Variants in APOL1 observed in about 807,000 individuals in gnomAD.
APOL1 encodes apolipoprotein L 1.
Under a neutral mutation model 14.9 loss-of-function variants are expected in APOL1, and 17 were observed. That is an observed-to-expected ratio of 1.14 (90% CI 0.78 to 1.71). APOL1 has a LOEUF of 1.71. Ranked by LOEUF, APOL1 falls within the 40% of genes most tolerant of loss-of-function variation. The pLI is 0.00. For missense variants in APOL1, 523 were observed against 485.9 expected (o/e 1.08, Z -0.72); for synonymous variants, 195 against 184.8 (o/e 1.05, Z -0.45).
rs370010415 is a variant in APOL1 at position 36,265,934 on chromosome 22, G to C, written c.1098G>C (p.Glu366Asp). The C allele has an allele frequency of 4.5e-5, 73 of 1,614,076 alleles. No homozygotes were observed. The highest frequency in any genetic ancestry group is 8.8e-5 in the South Asian group (8 of 91,082). Residue 366 changes from glutamate to aspartate, a missense_variant, in exon 6 of 6, where the codon GAG becomes GAC. Physicochemically the swap from Glu to Asp is conservative, Grantham distance 45 (BLOSUM62 2). Transcript: ENST00000397278. The stretch of plus-strand genomic sequence containing the variant: ...ACTTACATGAGGGGGCAAAGTCAGA[G>C]ACAGCTGAGGAGCTGAAGAAGGTGG... ...SKHLHEGAKS[E>D]TAEELKKVAQ...
In APOL1 at chr22:36,263,280, G is replaced by T. The variant is rs569413923; in HGVS notation, c.314+1558G>T. 3.3e-5 allele frequency among the ~76,000 whole-genome samples: 5 copies of T among 152,304 alleles called. No individual in the cohort carries two copies. The South Asian group carries it at 1.0e-3, about 32-fold the overall frequency. On this transcript the variant is annotated intron_variant, in intron 5 of 5. Coordinates refer to ENST00000397278, the MANE Select transcript of APOL1 (RefSeq NM_003661.4). ...CAGTAGCCTTCAGCCAGGTGAAAGG[G>T]CATGAGGCATTGGAAGGGAGCAGAT...
intron 4 of APOL1, among the ~76,000 whole-genome samples, chr22:36,261,290 G>A (rs1320666623): frequency 6.6e-6 from 1 of 152,164 alleles, no homozygotes; most frequent in African/African-American, 2.4e-5. Context: ...CAGTCTTCTT[G>A]TGTCCCTTTC....
Position 36,265,300 on chromosome 22 carries a change from T to A in APOL1, c.464T>A (p.Ile155Lys), listed in dbSNP as rs1569534114. 1 of 1,613,752 alleles carries A rather than the reference T, an allele frequency of 6.2e-7. No homozygotes were observed. The highest frequency in any genetic ancestry group is 1.1e-5 in the South Asian group (1 of 91,054). The change falls in exon 6 of 6, where the codon ATA (isoleucine) becomes AAA (lysine). Residue 155 changes from isoleucine (I) to lysine (K), a missense_variant. By Grantham distance (102) the Ile-to-Lys change is moderately radical. Transcript: ENST00000397278. ...PRLKSELEDNIRRLRALADGV... is the reference protein window; with the variant it reads ...PRLKSELEDNKRRLRALADGV... Reference sequence around the variant, plus strand: ...TTGAAAAGTGAGCTTGAGGATAACATAAGAAGGCTCCGTGCCCTTGCAGAT... The same window carrying A: ...TTGAAAAGTGAGCTTGAGGATAACAAAAGAAGGCTCCGTGCCCTTGCAGAT...
At chr22:36,259,281 A>G (rs1207385437) in intron 4 of APOL1, among the ~76,000 whole-genome samples, 31 of 152,162 alleles carry the variant, frequency 2.0e-4, no homozygotes, top group Admixed American at 2.0e-3. Context: ...CAGCCCCACC[A>G]CATCAAGAAA....
intron 2 of APOL1, 89 bp from the exon 3 acceptor site, chr22:36,256,994 A>G (rs2015902328): frequency 7.0e-7 from 1 of 1,421,012 alleles, no homozygotes; most frequent in Non-Finnish European, 9.8e-7. Flanking sequence ...CTTCCTCCCC[A>G]TCTCTATTTC....
At chr22:36,258,749 G>A (rs1255867707) in intron 4 of APOL1, among the ~76,000 whole-genome samples, 1 of 152,180 alleles carries the variant, frequency 6.6e-6, no homozygotes, top group Non-Finnish European at 1.5e-5. Context: ...TTTCTGGGAA[G>A]AGGTGGGGAT....
At chr22:36,264,343 G>T (rs1005222999) in intron 5 of APOL1, among the ~76,000 whole-genome samples, 1 of 152,098 alleles carries the variant, frequency 6.6e-6, no homozygotes, top group African/African-American at 2.4e-5. Flanking sequence ...CAAATCACCA[G>T]GCAAAGACAG....
At chr22:36,258,611 G>A (rs762047579) in intron 4 of APOL1, among the ~76,000 whole-genome samples, 6 of 152,184 alleles carry the variant, frequency 3.9e-5, no homozygotes, top group East Asian at 3.8e-4. Flanking sequence ...AGCTTTTAGT[G>A]CAAAACAGAA....
chr22:36,253,745 G>T (rs112278014), intron 1 of APOL1: 2 of 579,504 alleles, frequency 3.5e-6, no homozygotes, highest in Non-Finnish European at 6.2e-6. Context: ...CCCTGGGAGC[G>T]GAATGACTTG....
Position 36,266,101 on chromosome 22 carries a change from T to G in APOL1, c.*68T>G. ...GGCCAGGACAAAATGCAAACTTTTT[T>G]TTTTTTCTGAGACAGAGTCTTGCTC... On this transcript the variant is annotated 3_prime_UTR_variant, in exon 6 of 6. Transcript: ENST00000397278. 1 of 1,505,402 alleles carries G rather than the reference T, an allele frequency of 6.6e-7. No homozygotes were observed. The highest frequency in any genetic ancestry group is 8.9e-7 in the Non-Finnish European group (1 of 1,125,778). 93.3% of individuals were successfully genotyped at this position (1,505,402 alleles called of 1,614,324 possible).
At chr22:36,254,749 G>A in intron 1 of APOL1, 188 bp from the exon 2 acceptor site, 1 of 606,752 alleles carries the variant, frequency 1.6e-6, no homozygotes, top group Non-Finnish European at 2.8e-6. Context: ...TGTAGTCCCA[G>A]CTACTCGGGA....
In APOL1 at chr22:36,266,025, G is replaced by T; in HGVS notation, c.1189G>T (p.Glu397Ter). 4 of 1,604,132 alleles carry T rather than the reference G, an allele frequency of 2.5e-6. No homozygotes were observed. The highest frequency in any genetic ancestry group is 3.4e-6 in the Non-Finnish European group (4 of 1,174,636). Residue 397 changes from glutamate to a stop codon, truncating the protein, a stop_gained, in exon 6 of 6, where the codon GAA (glutamate) becomes TAA (stop). Coordinates refer to ENST00000397278, the MANE Select transcript of APOL1 (RefSeq NM_003661.4). LOFTEE classifies it high-confidence loss of function. The part of the protein sequence containing the change: ...NNYKILQADQ[E>*]L ...TTATAAGATTCTGCAGGCGGACCAA[G>T]AACTGTGACCACAGGGCAGGGCAGC...
intron 4 of APOL1, among the ~76,000 whole-genome samples, chr22:36,260,959 T>G (rs528547603): frequency 6.6e-6 from 1 of 152,320 alleles, no homozygotes; most frequent in East Asian, 1.9e-4. Context: ...TGGTATAAAG[T>G]GTTTGACCCA....
chr22:36,266,441 A>G lies in APOL1; in HGVS notation c.*408A>G. On this transcript the variant is annotated 3_prime_UTR_variant, in exon 6 of 6. Coordinates refer to ENST00000397278, the MANE Select transcript of APOL1 (RefSeq NM_003661.4). ...AAAGAGGGTGAGGTAAAGTTTATGG[A>G]ACTGAGTGTTAGGGACTTTGGCATT... 1 of 408,632 alleles carries G rather than the reference A, an allele frequency of 2.4e-6. No individual in the cohort carries two copies. The highest frequency in any genetic ancestry group is 4.3e-6 in the Non-Finnish European group (1 of 232,136). The allele number at this position is 408,632 out of a possible 1,614,324, so 25.3% of individuals were successfully genotyped here.
intron 2 of APOL1, 95 bp from the exon 3 acceptor site, chr22:36,256,988 C>T: frequency 7.3e-7 from 1 of 1,371,964 alleles, no homozygotes. Context: ...CAGAACCTTC[C>T]TCCCCATCTC....
chr22:36,263,426 TA>T (rs2146308368), intron 5 of APOL1, among the ~76,000 whole-genome samples: 1 of 152,380 alleles, frequency 6.6e-6, no homozygotes, highest in East Asian at 1.9e-4. Flanking sequence ...CCTGCAAATT[TA>T]AGGGGATTTC....
chr22:36,255,242 A>C (rs918877044), intron 2 of APOL1, among the ~76,000 whole-genome samples: 8 of 152,222 alleles, frequency 5.3e-5, no homozygotes, highest in Non-Finnish European at 5.9e-5. Flanking sequence ...AGCCAGGCCA[A>C]CAATGACCAA....
chr22:36,257,030 A>G (rs2015903610), intron 2 of APOL1, 53 bp from the exon 3 acceptor site: 2 of 1,591,842 alleles, frequency 1.3e-6, no homozygotes, highest in East Asian at 4.5e-5. Flanking sequence ...TAGTTTCTGT[A>G]ATGATCAGAT....
chr22:36,261,365 G>A (rs1037314002), intron 4 of APOL1, among the ~76,000 whole-genome samples: 5 of 152,104 alleles, frequency 3.3e-5, no homozygotes, highest in African/African-American at 1.2e-4. Context: ...ATCTCATTCA[G>A]TCTTAATTGC....
Sources: allele counts gnomAD v4.1 joint callset (sites outside exome capture counted in the v4.1 genomes callset), GRCh38; gene constraint gnomAD v4.1.1; transcripts MANE v1.5; gene names NCBI Gene and HGNC (gene_info 2026-07-23, HGNC 2026-07-21).